CCSER1: variants seen among roughly 807,000 people sequenced by gnomAD.
CCSER1 encodes the protein coiled-coil serine rich protein 1, also known as serine-rich coiled-coil domain-containing protein 1.
In CCSER1, 41 loss-of-function variants were observed where a neutral mutation model predicts 82.0. The ratio of observed to expected loss-of-function variants is 0.50; its 90% CI spans 0.39 to 0.65. The LOEUF (loss-of-function observed/expected upper bound fraction) is 0.65. Among genes scored for constraint, CCSER1 ranks in the 30% least tolerant of loss-of-function variants. CCSER1 has a pLI of 0.00. For synonymous variants in CCSER1, 414 were observed against 383.9 expected (o/e 1.08, Z -0.92); for missense variants, 1,119 against 1,064.2 (o/e 1.05, Z -0.72).
chr4:90,824,803 T>C (rs1341929052), intron 8 of CCSER1, among the ~76,000 whole-genome samples: 1 of 152,202 alleles, frequency 6.6e-6, no homozygotes, highest in Admixed American at 6.5e-5. Context: ...CTTTTTCATA[T>C]TTAGGAAACA....
intron 4 of CCSER1, among the ~76,000 whole-genome samples, chr4:90,410,281 C>G (rs947007994): frequency 2.0e-5 from 3 of 152,148 alleles, no homozygotes; most frequent in African/African-American, 7.2e-5. Flanking sequence ...CCAAGTGGAC[C>G]TAATAGTCAT....
chr4:90,242,867 C>T (rs1044276193), intron 1 of CCSER1, among the ~76,000 whole-genome samples: 22 of 152,108 alleles, frequency 1.4e-4, no homozygotes, highest in African/African-American at 5.1e-4. Flanking sequence ...AAGTAATGAA[C>T]AGAGATACAA....
At chr4:90,610,703 CAT>C (rs1785352821) in intron 5 of CCSER1, among the ~76,000 whole-genome samples, 2 of 152,074 alleles carry the variant, frequency 1.3e-5, no homozygotes, top group Admixed American at 6.5e-5. Flanking sequence ...TGATGAACAT[CAT>C]ATTTTTATGT....
chr4:90,209,350 T>A (rs1296857674), intron 1 of CCSER1, among the ~76,000 whole-genome samples: 2 of 152,136 alleles, frequency 1.3e-5, no homozygotes, highest in African/African-American at 4.8e-5. Flanking sequence ...TTGGTAGGGA[T>A]CTGGGCAATG....
At chr4:91,376,991 C>T (rs1043748382) in intron 10 of CCSER1, among the ~76,000 whole-genome samples, 1 of 148,324 alleles carries the variant, frequency 6.7e-6, no homozygotes, top group Non-Finnish European at 1.5e-5. Flanking sequence ...TGAGTGAGAA[C>T]ATGTGGTGTT....
chr4:91,150,038 G>C lies in CCSER1; in HGVS notation c.2217+64044G>C, dbSNP rs560695353. ...GAGAAAGTCATTGGTAGCTTGATGGGGATGGCATTGAATCTATAAATTACC... is the reference window on the plus strand; with the variant it reads ...GAGAAAGTCATTGGTAGCTTGATGGCGATGGCATTGAATCTATAAATTACC... On this transcript the variant is annotated intron_variant, in intron 10 of 10. Coordinates refer to ENST00000509176, the MANE Select transcript of CCSER1 (RefSeq NM_001145065.2). 1.9e-4 allele frequency among the ~76,000 whole-genome samples: 29 copies of C among 152,164 alleles called. No homozygotes were observed. In the East Asian group the frequency reaches 5.6e-3, roughly 29 times the overall value.
At chr4:90,499,937 C>A (rs1481528925) in intron 5 of CCSER1, among the ~76,000 whole-genome samples, 1 of 152,080 alleles carries the variant, frequency 6.6e-6, no homozygotes, top group Non-Finnish European at 1.5e-5. Flanking sequence ...CCAAATTAGT[C>A]ATTTATGGGG....
At chr4:90,311,364 A>G (rs924852089) in intron 2 of CCSER1, among the ~76,000 whole-genome samples, 1 of 151,938 alleles carries the variant, frequency 6.6e-6, no homozygotes, top group East Asian at 1.9e-4. Context: ...CTTGGAGACT[A>G]TTACTATGTT....
At chr4:91,092,574 T>C (rs1485427264) in intron 10 of CCSER1, among the ~76,000 whole-genome samples, 1 of 152,178 alleles carries the variant, frequency 6.6e-6, no homozygotes, top group Non-Finnish European at 1.5e-5. Context: ...AGCTGGCAAG[T>C]GTGAGATGTA....
At chr4:90,480,104 G>C (rs1765707227) in intron 5 of CCSER1, among the ~76,000 whole-genome samples, 1 of 152,182 alleles carries the variant, frequency 6.6e-6, no homozygotes. Flanking sequence ...TTGTGGTTTT[G>C]ATTGACATTT....
At chr4:90,982,633 C>CAAA (rs70965464) in intron 9 of CCSER1, among the ~76,000 whole-genome samples, 1 of 150,648 alleles carries the variant, frequency 6.6e-6, no homozygotes, top group African/African-American at 2.4e-5. Flanking sequence ...AGCATCTAAA[C>CAAA]AAAAAAAAAT....
intron 10 of CCSER1, among the ~76,000 whole-genome samples, chr4:91,462,167 A>T (rs975314078): frequency 6.6e-6 from 1 of 152,296 alleles, no homozygotes; most frequent in Non-Finnish European, 1.5e-5. Context: ...AGTAACAAAA[A>T]TCCTGAATAA....
intron 3 of CCSER1, among the ~76,000 whole-genome samples, chr4:90,324,704 G>A (rs1311663323): frequency 6.6e-6 from 1 of 152,018 alleles, no homozygotes; most frequent in South Asian, 2.1e-4. Context: ...TTTGGCTTTT[G>A]TTGCCGTTGC....
chr4:91,100,104 T>G (rs1724907942), intron 10 of CCSER1, among the ~76,000 whole-genome samples: 1 of 152,002 alleles, frequency 6.6e-6, no homozygotes, highest in African/African-American at 2.4e-5. Context: ...TCACAATATA[T>G]AGAGTTAAAT....
intron 5 of CCSER1, among the ~76,000 whole-genome samples, chr4:90,514,710 C>T (rs1002590812): frequency 4.6e-5 from 7 of 151,770 alleles, no homozygotes; most frequent in East Asian, 1.9e-4. Context: ...GAGCTGGGAT[C>T]GTGCCACTGT....
intron 6 of CCSER1, among the ~76,000 whole-genome samples, chr4:90,645,229 T>C (rs1353611641): frequency 6.6e-6 from 1 of 152,218 alleles, no homozygotes; most frequent in Admixed American, 6.5e-5. Context: ...CAGTGAATTA[T>C]AAGCATGTCC....
Position 91,602,862 on chromosome 4 carries a change from T to G in CCSER1, c.*3805T>G, listed in dbSNP as rs1764862162. ...CTCAAATGTAGCACCCATTCATTTA[T>G]ACCAGGATTTTGATTGCTATCTAAG... On this transcript the variant is annotated 3_prime_UTR_variant, in exon 11 of 11. Transcript: ENST00000509176. 6.6e-6 allele frequency among the ~76,000 whole-genome samples: 1 copy of G among 152,076 alleles called. No homozygotes were observed. Among genetic ancestry groups the G allele is most frequent in the Non-Finnish European group, 1.5e-5 (1 of 67,954 alleles).
At chr4:91,439,884 G>A (rs1754988773) in intron 10 of CCSER1, among the ~76,000 whole-genome samples, 1 of 152,172 alleles carries the variant, frequency 6.6e-6, no homozygotes, top group South Asian at 2.1e-4. Flanking sequence ...TTACATAATG[G>A]TAAAGGGATC....
chr4:91,192,501 C>T (rs934894918), intron 10 of CCSER1, among the ~76,000 whole-genome samples: 1 of 152,226 alleles, frequency 6.6e-6, no homozygotes, highest in South Asian at 2.1e-4. Context: ...ATCTATTTTA[C>T]TTGATGTTAT....
Sources: allele counts gnomAD v4.1 joint callset (sites outside exome capture counted in the v4.1 genomes callset), GRCh38; gene constraint gnomAD v4.1.1; transcripts MANE v1.5; gene names NCBI Gene and HGNC (gene_info 2026-07-23, HGNC 2026-07-21).